MGST1: variants seen among roughly 807,000 people sequenced by gnomAD.
MGST1 encodes the protein microsomal glutathione S-transferase 1.
In MGST1, 5 loss-of-function variants were observed where a neutral mutation model predicts 8.9. That is an observed-to-expected ratio of 0.56 (90% CI 0.29 to 1.19). The LOEUF (loss-of-function observed/expected upper bound fraction) is 1.19. MGST1 is among the 50% of genes most tolerant of loss of function. MGST1 has a pLI of 0.08. For missense variants in MGST1, 182 were observed against 187.4 expected (o/e 0.97, Z 0.17); for synonymous variants, 54 against 67.8 (o/e 0.80, Z 1.00).
In MGST1 at chr12:16,370,667, T is replaced by G. The variant is rs188182373; in HGVS notation, c.222-5455T>G. Among the ~76,000 whole-genome samples the G allele has an allele frequency of 2.1e-4, 32 of 152,310 alleles. 1 individual carries two copies. Among genetic ancestry groups the G allele is most frequent in the African/African-American group, 7.7e-4 (32 of 41,578 alleles). Reference sequence around the variant, plus strand: ...AGAGTCTGGATCCTAGAATTGATTCTAATAATAGTTTTGCCACTGATACAC... The same window carrying G: ...AGAGTCTGGATCCTAGAATTGATTCGAATAATAGTTTTGCCACTGATACAC... On this transcript the variant is annotated intron_variant, in intron 3 of 3. Transcript: ENST00000535309.
chr12:16,470,638 G>GTACC (rs1459091275), intron 4 of MGST1, among the ~76,000 whole-genome samples: 1 of 152,098 alleles, frequency 6.6e-6, no homozygotes, highest in Non-Finnish European at 1.5e-5. Context: ...GAATTTCTAA[G>GTACC]TACCTAATCT....
intron 4 of MGST1, among the ~76,000 whole-genome samples, chr12:16,520,496 A>T (rs11056980): frequency 1.3e-5 from 2 of 152,042 alleles, no homozygotes; most frequent in Non-Finnish European, 1.5e-5. Context: ...AGACTCGAAG[A>T]GCTGAGTCAG....
At chr12:16,439,848 A>C (rs1258152904), downstream of MGST1, among the ~76,000 whole-genome samples, 2 of 151,656 alleles carry the variant, frequency 1.3e-5, no homozygotes, top group African/African-American at 4.8e-5. Flanking sequence ...ATATTATTTC[A>C]TCTATCTGGA....
At chr12:16,383,424 A>T (rs1940475079) in exon 1 of MGST1, 1 of 151,934 alleles carries the variant, frequency 6.6e-6, no homozygotes, top group South Asian at 2.1e-4. Flanking sequence ...AAATTTATAT[A>T]TTTTTTTCCA....
At chr12:16,445,576 T>A (rs1000541323) in intron 4 of MGST1, among the ~76,000 whole-genome samples, 6 of 151,980 alleles carry the variant, frequency 3.9e-5, no homozygotes, top group African/African-American at 1.4e-4. Context: ...ATGTATGTTG[T>A]CCATTCCATG....
At chr12:16,515,566 G>A (rs1245018706) in intron 4 of MGST1, among the ~76,000 whole-genome samples, 1 of 151,458 alleles carries the variant, frequency 6.6e-6, no homozygotes, top group Non-Finnish European at 1.5e-5. Flanking sequence ...GGAGGCGGAG[G>A]GTGCAGTGAG....
intron 4 of MGST1, among the ~76,000 whole-genome samples, chr12:16,452,134 C>T (rs751007925): frequency 6.6e-6 from 1 of 151,710 alleles, no homozygotes; most frequent in South Asian, 2.1e-4. Flanking sequence ...AGGAACTAAA[C>T]GTGGGCAGTG....
chr12:16,404,260 C>A (rs1940682462), intron 1 of MGST1, among the ~76,000 whole-genome samples: 1 of 152,078 alleles, frequency 6.6e-6, no homozygotes, highest in African/African-American at 2.4e-5. Flanking sequence ...GTGACATTAG[C>A]TTCCTTTTAG....
intron 1 of MGST1, among the ~76,000 whole-genome samples, chr12:16,422,645 C>A (rs1940848647): frequency 6.6e-6 from 1 of 152,174 alleles, no homozygotes. Context: ...TTTCTGCACA[C>A]ATAGTCAATT....
At chr12:16,479,289 T>C (rs246847) in intron 4 of MGST1, among the ~76,000 whole-genome samples, 142,163 of 142,636 alleles carry the variant, frequency 1, 70,849 homozygotes, top group Middle Eastern at 1. Context: ...GGCTGGAGTG[T>C]GGTGGCGCGA....
Position 16,517,814 on chromosome 12 carries a change from T to A in MGST1, n.483-71714T>A, listed in dbSNP as rs919251704. ...TTTGAGGTTTTTGGATTCTCATAAT[T>A]TCTTATTGGAGATTAGTATATGGAC... is the stretch of plus-strand genomic sequence containing the variant. On this transcript the variant is annotated intron_variant and non_coding_transcript_variant, in intron 4 of 4. Transcript: ENST00000538857. The surrounding 1 kb of genome is among the most constrained non-coding windows in gnomAD (Gnocchi z 4.2). Among the ~76,000 whole-genome samples the A allele has an allele frequency of 6.6e-6, 1 of 152,228 alleles. No individual in the cohort carries two copies. Among genetic ancestry groups the A allele is most frequent in the African/African-American group, 2.4e-5 (1 of 41,452 alleles).
At chr12:16,518,365 A>C (rs911953640) in intron 4 of MGST1, among the ~76,000 whole-genome samples, 1 of 152,234 alleles carries the variant, frequency 6.6e-6, no homozygotes, top group African/African-American at 2.4e-5. Flanking sequence ...TTAATTAAAA[A>C]TAATGACAGA....
intron 4 of MGST1, among the ~76,000 whole-genome samples, chr12:16,477,239 T>G (rs573872142): frequency 1.3e-5 from 2 of 151,418 alleles, no homozygotes; most frequent in East Asian, 3.9e-4. Flanking sequence ...GTCTTCCTGA[T>G]TTTTTTCTGA....
rs973618169 is a variant in MGST1 at position 16,560,296 on chromosome 12, C to T, written n.483-29232C>T. ...TGGCATGGGATTAAAGTTTACAGAA[C>T]AGAAAAACGCTGAGATTGATTGCTT... is the stretch of plus-strand genomic sequence containing the variant. On this transcript the variant is annotated intron_variant and non_coding_transcript_variant, in intron 4 of 4. Transcript: ENST00000538857. This position sits in a 1 kb window ranked among gnomAD's most constrained non-coding sequence, Gnocchi z 5.0. 3.4e-6 allele frequency: 4 copies of T among 1,179,684 alleles called. No homozygotes were observed. The highest frequency in any genetic ancestry group is 3.1e-5 in the African/African-American group (2 of 64,908). 73.1% of individuals were successfully genotyped at this position (1,179,684 alleles called of 1,614,324 possible).
intron 3 of MGST1, among the ~76,000 whole-genome samples, chr12:16,359,185 G>A (rs1939875270): frequency 6.6e-6 from 1 of 152,146 alleles, no homozygotes; most frequent in Non-Finnish European, 1.5e-5. Flanking sequence ...TCAGACAATG[G>A]CCTTCAGCGT....
intron 4 of MGST1, among the ~76,000 whole-genome samples, chr12:16,561,230 T>C (rs1216178744): frequency 1.3e-5 from 2 of 152,192 alleles, no homozygotes; most frequent in Non-Finnish European, 2.9e-5. Context: ...AGAATCGTTA[T>C]TGTAATGACC....
intron 4 of MGST1, among the ~76,000 whole-genome samples, chr12:16,542,990 C>A (rs568003220): frequency 1.3e-5 from 2 of 152,278 alleles, no homozygotes; most frequent in Admixed American, 1.3e-4. Flanking sequence ...TGTGCCCAGA[C>A]AGAATAAATC....
chr12:16,558,988 A>C (rs749178604), intron 4 of MGST1, among the ~76,000 whole-genome samples: 5 of 152,128 alleles, frequency 3.3e-5, no homozygotes, highest in Non-Finnish European at 5.9e-5. Flanking sequence ...ATATCAGCTA[A>C]TATATGGTGG....
chr12:16,449,407 G>A (rs570365262), intron 4 of MGST1, among the ~76,000 whole-genome samples: 7 of 151,714 alleles, frequency 4.6e-5, no homozygotes, highest in South Asian at 2.1e-4. Context: ...AACACTTCCC[G>A]CCAGGCCCCA....
Sources: allele counts gnomAD v4.1 joint callset (sites outside exome capture counted in the v4.1 genomes callset), GRCh38; gene constraint gnomAD v4.1.1; non-coding constraint Gnocchi (gnomAD v3.1); transcripts MANE v1.5; gene names NCBI Gene and HGNC (gene_info 2026-07-23, HGNC 2026-07-21).